ANAPC1: variants seen among roughly 807,000 people sequenced by gnomAD.
ANAPC1 encodes anaphase promoting complex subunit 1.
In ANAPC1, 36 loss-of-function variants were observed where a neutral mutation model predicts 208.0. That is an observed-to-expected ratio of 0.17 (90% CI 0.13 to 0.23). The LOEUF is 0.23. Among genes scored for constraint, ANAPC1 ranks in the 10% least tolerant of loss-of-function variants. The pLI is 1.00. For missense variants in ANAPC1, 942 were observed against 2,011.6 expected, an observed-to-expected ratio of 0.47 and a Z score of 10.17; for synonymous variants, 378 against 695.2, an observed-to-expected ratio of 0.54 and a Z score of 7.18.
At chr2:111,777,324 C>T (rs958719739) in intron 45 of ANAPC1, among the ~76,000 whole-genome samples, 3 of 152,000 alleles carry the variant, frequency 2.0e-5, no homozygotes, top group Non-Finnish European at 4.4e-5. Context: ...TCAACAGCTC[C>T]GAATAACCAA....
chr2:111,838,671 T>C (rs1193597911), intron 17 of ANAPC1, among the ~76,000 whole-genome samples, 159 bp from the exon 18 acceptor site: 1 of 152,220 alleles, frequency 6.6e-6, no homozygotes, highest in Non-Finnish European at 1.5e-5. Context: ...TAAATATCTT[T>C]CTTCCAGGTT....
chr2:111,870,223 G>C (rs1682671818), intron 6 of ANAPC1, among the ~76,000 whole-genome samples: 1 of 152,060 alleles, frequency 6.6e-6, no homozygotes, highest in African/African-American at 2.4e-5. Flanking sequence ...ATTTCCTTTG[G>C]GTAGATACCC....
intron 1 of ANAPC1, among the ~76,000 whole-genome samples, chr2:111,882,680 T>C (rs965308484): frequency 1.3e-5 from 2 of 148,464 alleles, no homozygotes; most frequent in Non-Finnish European, 3.0e-5. Flanking sequence ...GAGGTTGCAG[T>C]GAGCCGAGAT....
intron 3 of ANAPC1, 64 bp downstream of exon 3, chr2:111,878,746 A>T: frequency 6.3e-7 from 1 of 1,598,618 alleles, no homozygotes. Flanking sequence ...TTAAATTTTA[A>T]AACAAAACTT....
intron 38 of ANAPC1, among the ~76,000 whole-genome samples, chr2:111,789,589 TC>T (rs1340114052): frequency 6.8e-6 from 1 of 146,112 alleles, no homozygotes; most frequent in African/African-American, 2.5e-5. Context: ...AAGAGATACA[TC>T]TATTTTGGCA....
chr2:111,833,235 A>AC lies in ANAPC1; in HGVS notation c.2460dup (p.Cys821ValfsTer4). The AC allele has an allele frequency of 1.3e-6, 2 of 1,597,384 alleles. No homozygotes were observed. Among genetic ancestry groups the AC allele is most frequent in the Non-Finnish European group, 1.7e-6 (2 of 1,167,378 alleles). On this transcript the variant is annotated frameshift_variant, in exon 20 of 48. Coordinates refer to ENST00000341068, the MANE Select transcript of ANAPC1 (RefSeq NM_022662.4). LOFTEE classifies it high-confidence loss of function. The stretch of plus-strand genomic sequence containing the variant: ...GACTACTTACCTGGATCAATTGTGC[A>AC]CACTTGTCCAGTAGTTCTGACAAGC...
At chr2:111,843,185 T>C (rs948999323) in intron 17 of ANAPC1, among the ~76,000 whole-genome samples, 34 of 152,336 alleles carry the variant, frequency 2.2e-4, no homozygotes, top group Middle Eastern at 3.4e-3. Flanking sequence ...GAAATAGTCA[T>C]ATATGCTTTA....
chr2:111,846,154 A>G (rs914132417), intron 16 of ANAPC1, among the ~76,000 whole-genome samples: 2 of 152,170 alleles, frequency 1.3e-5, no homozygotes, highest in African/African-American at 4.8e-5. Context: ...ACTTCCTTAT[A>G]TCATACAGGC....
intron 16 of ANAPC1, among the ~76,000 whole-genome samples, chr2:111,846,800 C>A (rs1681112960): frequency 6.6e-6 from 1 of 151,844 alleles, no homozygotes; most frequent in Admixed American, 6.6e-5. Context: ...AAACTACCGA[C>A]CTCAAGCGAT....
At chr2:111,865,982 G>A (rs1682384738) in intron 7 of ANAPC1, 2 of 186,288 alleles carry the variant, frequency 1.1e-5, no homozygotes, top group African/African-American at 2.4e-5. Flanking sequence ...GAGTCAGGCG[G>A]CTCACGAGGT....
At chr2:111,846,570 T>A (rs1681096069) in intron 16 of ANAPC1, among the ~76,000 whole-genome samples, 1 of 121,462 alleles carries the variant, frequency 8.2e-6, no homozygotes, top group African/African-American at 3.1e-5. Flanking sequence ...TTTTTTTTTT[T>A]TTTTTTTTTT....
rs536174112 is a variant in ANAPC1, at chr2:111,870,513, CTTT to C, written c.611+2114_611+2116del. ...TGTTTGTTGGCCATTTGTGTATCTT[CTTT>C]TGAGAACTGTCTATTCATGTCCTTT... On this transcript the variant is annotated intron_variant, in intron 6 of 47. Transcript: ENST00000341068. Among the ~76,000 whole-genome samples the C allele has an allele frequency of 1.7e-3, 261 of 152,298 alleles. 2 individuals are homozygous for C. Among genetic ancestry groups the C allele is most frequent in the African/African-American group, 6.0e-3 (248 of 41,574 alleles).
In ANAPC1 at chr2:111,831,432, G is replaced by C. The variant is rs751727151; in HGVS notation, c.2479C>G (p.Gln827Glu). ...GATGGATGATGCATAAATCCTGTTT[G>C]ACCTTTAAAATTAGATAAATATTCA... ...TGQVCTIDPG[Q>E]TGFMHHPSFF... Residue 827 changes from glutamine to glutamate, a missense_variant and splice_region_variant, in exon 21 of 48, where the codon CAA becomes GAA. Transcript: ENST00000341068. 3.1e-5 allele frequency: 50 copies of C among 1,592,428 alleles called. No individual in the cohort carries two copies. In the South Asian group the frequency reaches 5.2e-4, roughly 17 times the overall value.
chr2:111,819,743 T>C (rs1487054270), intron 26 of ANAPC1, among the ~76,000 whole-genome samples: 603 of 149,590 alleles, frequency 4.0e-3, no homozygotes, highest in East Asian at 0.04. Context: ...GACACAGAAA[T>C]ATCCCTTCAG....
intron 1 of ANAPC1, among the ~76,000 whole-genome samples, chr2:111,882,461 G>A (rs145104269): frequency 2.0e-4 from 31 of 152,252 alleles, no homozygotes; most frequent in African/African-American, 7.5e-4. Flanking sequence ...CAGGCACGAT[G>A]GCTCACGCCT....
rs374448209 is a variant in ANAPC1 at position 111,883,257 on chromosome 2, T to C, written c.-25+685A>G. ...TCTTCCTATATTTTATTCAACAGAA[T>C]AACCAACATCAACGAACTTTTGACT... On this transcript the variant is annotated intron_variant, in intron 1 of 47. Coordinates refer to ENST00000341068, the MANE Select transcript of ANAPC1 (RefSeq NM_022662.4). Among the ~76,000 whole-genome samples the C allele has an allele frequency of 5.3e-5, 8 of 149,762 alleles. 2 individuals carry two copies. The highest frequency in any genetic ancestry group is 1.7e-4 in the African/African-American group (7 of 40,712).
chr2:111,831,861 C>T (rs1680158376), intron 20 of ANAPC1, among the ~76,000 whole-genome samples: 1 of 139,642 alleles, frequency 7.2e-6, no homozygotes, highest in Non-Finnish European at 1.6e-5. Context: ...AACGTTTTTC[C>T]ATATTCTCCA....
At chr2:111,793,974 TA>T in intron 37 of ANAPC1, 103 bp downstream of exon 37, 3 of 718,172 alleles carry the variant, frequency 4.2e-6, no homozygotes, top group Non-Finnish European at 6.2e-6. Context: ...ATTCTACATT[TA>T]AAAAAACAGC....
chr2:111,839,022 C>T (rs1361467724), intron 17 of ANAPC1, among the ~76,000 whole-genome samples: 1 of 152,188 alleles, frequency 6.6e-6, no homozygotes, highest in Non-Finnish European at 1.5e-5. Context: ...AGACTACATA[C>T]ATACGTCTGC....
Sources: allele counts gnomAD v4.1 joint callset (sites outside exome capture counted in the v4.1 genomes callset), GRCh38; gene constraint gnomAD v4.1.1; transcripts MANE v1.5; gene names NCBI Gene and HGNC (gene_info 2026-07-23, HGNC 2026-07-21).